The following SGCZ variants were observed in gnomAD, a reference collection of about 807,000 sequenced individuals.
SGCZ encodes the protein sarcoglycan zeta, also known as zeta-sarcoglycan.
A neutral mutation model predicts 41.3 loss-of-function variants in SGCZ; 40 were observed. That is an observed-to-expected ratio of 0.97 (90% confidence interval 0.75 to 1.26). SGCZ has a LOEUF of 1.26. Ranked by LOEUF, SGCZ falls within the 50% of genes most tolerant of loss-of-function variation. The probability of loss-of-function intolerance (pLI) is 0.00; values close to 1 mark genes in which losing one functional copy is unlikely to be tolerated. For missense variants in SGCZ, 552 were observed against 369.8 expected (o/e 1.49, Z -4.04); for synonymous variants, 206 against 137.5 (o/e 1.50, Z -3.49).
At chr8:14,915,730 TAA>T (rs1799415194) in intron 1 of SGCZ, among the ~76,000 whole-genome samples, 2 of 152,154 alleles carry the variant, frequency 1.3e-5, no homozygotes, top group African/African-American at 4.8e-5. Context: ...AGCCTGCCTA[TAA>T]AATCTGCTGT....
intron 1 of SGCZ, among the ~76,000 whole-genome samples, chr8:14,561,425 A>G (rs1203947474): frequency 1.3e-5 from 2 of 152,140 alleles, no homozygotes; most frequent in African/African-American, 2.4e-5. Context: ...ATATCATAGT[A>G]CCAAGATGTT....
chr8:15,051,247 A>T (rs1009976376), intron 1 of SGCZ, among the ~76,000 whole-genome samples: 2 of 152,198 alleles, frequency 1.3e-5, no homozygotes, highest in African/African-American at 4.8e-5. Flanking sequence ...TGGGGAAAGG[A>T]CATGGGGAGG....
At position 14,090,591 on chromosome 8, in the gene SGCZ, C is replaced by T. The variant is rs1203338213; in HGVS notation, c.791G>A (p.Gly264Asp). Residue 264 changes from glycine (G) to aspartate (D), a missense_variant, in exon 8 of 8, where the codon GGC (glycine) becomes GAC (aspartate). Transcript: ENST00000382080. ...ETIKLGNLPTGSFSSSSPSSS... is the reference protein window; with the variant it reads ...ETIKLGNLPTDSFSSSSPSSS... ...GCTGGGTGAAGAAGATGAGAAGGAGCCAGTTGGTAGATTTCCCAGCTTGAT... is the reference window on the plus strand; with the variant it reads ...GCTGGGTGAAGAAGATGAGAAGGAGTCAGTTGGTAGATTTCCCAGCTTGAT... The T allele has an allele frequency of 6.2e-7, 1 of 1,612,412 alleles. No individual in the cohort carries two copies. Among genetic ancestry groups the T allele is most frequent in the African/African-American group, 1.3e-5 (1 of 74,770 alleles).
At chr8:14,299,295 C>A in intron 3 of SGCZ, among the ~76,000 whole-genome samples, 1 of 151,814 alleles carries the variant, frequency 6.6e-6, no homozygotes, top group African/African-American at 2.4e-5. Context: ...AAAGCACTGT[C>A]TATAAAAGTT....
intron 1 of SGCZ, among the ~76,000 whole-genome samples, chr8:14,574,571 G>A (rs916105393): frequency 3.3e-5 from 5 of 152,158 alleles, no homozygotes; most frequent in Non-Finnish European, 7.3e-5. Context: ...GTTGCCATCA[G>A]CTCAAACCCT....
chr8:14,403,350 G>A (rs940301977), intron 2 of SGCZ, among the ~76,000 whole-genome samples: 1 of 150,792 alleles, frequency 6.6e-6, no homozygotes, highest in Admixed American at 6.6e-5. Flanking sequence ...GTGAGAGAGG[G>A]CATCCCTGTC....
intron 3 of SGCZ, among the ~76,000 whole-genome samples, chr8:14,300,277 G>A (rs1801144749): frequency 6.6e-6 from 1 of 150,464 alleles, no homozygotes; most frequent in Non-Finnish European, 1.5e-5. Context: ...AAGGAAGGAA[G>A]GCATAAAGGG....
intron 3 of SGCZ, among the ~76,000 whole-genome samples, chr8:14,249,138 T>C (rs1415288773): frequency 6.6e-6 from 1 of 152,170 alleles, no homozygotes; most frequent in Non-Finnish European, 1.5e-5. Flanking sequence ...AGGAAGATTT[T>C]CTTCCTCCCC....
Position 14,267,568 on chromosome 8 carries a change from G to C in SGCZ, c.337-29889C>G, listed in dbSNP as rs990208060. 4.6e-5 allele frequency among the ~76,000 whole-genome samples: 7 copies of C among 151,952 alleles called. No homozygotes were observed. The East Asian group carries it at 1.3e-3, about 29-fold the overall frequency. ...TCGCCTAGTCTCATGATGCTATTAT[G>C]CATAATATTCTTAATTCCTCAACAT... On this transcript the variant is annotated intron_variant, in intron 3 of 7. Coordinates refer to ENST00000382080, the MANE Select transcript of SGCZ (RefSeq NM_139167.4).
intron 1 of SGCZ, among the ~76,000 whole-genome samples, chr8:14,591,302 T>C (rs980178841): frequency 3.5e-4 from 54 of 152,132 alleles, no homozygotes; most frequent in African/African-American, 1.3e-3. Context: ...TTAAATATTA[T>C]GTTTTACTGA....
chr8:14,764,037 C>T (rs901997860), intron 1 of SGCZ, among the ~76,000 whole-genome samples: 11 of 152,088 alleles, frequency 7.2e-5, no homozygotes, highest in Non-Finnish European at 1.5e-4. Flanking sequence ...ATGGCTGATG[C>T]CATGTCTGGC....
chr8:14,470,418 T>A (rs1459769836), intron 2 of SGCZ, among the ~76,000 whole-genome samples: 1 of 152,160 alleles, frequency 6.6e-6, no homozygotes, highest in East Asian at 1.9e-4. Context: ...TAGATGCTAT[T>A]ATTAATTTCA....
At chr8:14,109,201 G>C (rs1802300800) in intron 5 of SGCZ, among the ~76,000 whole-genome samples, 1 of 152,140 alleles carries the variant, frequency 6.6e-6, no homozygotes, top group Non-Finnish European at 1.5e-5. Context: ...TGGAATTGTA[G>C]CTTTCCGAAG....
intron 2 of SGCZ, among the ~76,000 whole-genome samples, chr8:14,492,307 C>T (rs1801863964): frequency 1.3e-5 from 2 of 152,096 alleles, no homozygotes; most frequent in Non-Finnish European, 2.9e-5. Flanking sequence ...TTGGTATAAG[C>T]TGAAAGCAAT....
chr8:14,695,696 C>T (rs1298811674), intron 1 of SGCZ, among the ~76,000 whole-genome samples: 4 of 124,396 alleles, frequency 3.2e-5, no homozygotes, highest in Non-Finnish European at 7.5e-5. Flanking sequence ...CATGCACACG[C>T]ACACACACAC....
At chr8:14,136,118 C>T (rs537687632) in intron 5 of SGCZ, among the ~76,000 whole-genome samples, 2 of 152,260 alleles carry the variant, frequency 1.3e-5, no homozygotes, top group South Asian at 4.1e-4. Context: ...AGATAAAAAG[C>T]ACTACATACC....
At chr8:14,953,595 G>A (rs1306074156) in intron 1 of SGCZ, among the ~76,000 whole-genome samples, 2 of 152,118 alleles carry the variant, frequency 1.3e-5, no homozygotes, top group African/African-American at 2.4e-5. Flanking sequence ...AGAGGTTAAG[G>A]ACCCCAGCTC....
chr8:14,516,530 G>C (rs1284604856), intron 2 of SGCZ, among the ~76,000 whole-genome samples: 2 of 151,926 alleles, frequency 1.3e-5, no homozygotes, highest in Admixed American at 6.6e-5. Context: ...TTTTTTCTAG[G>C]TCTATCTACG....
rs141130548 is a variant in SGCZ at position 15,189,804 on chromosome 8, G to A, written c.39+47781C>T. Among the ~76,000 whole-genome samples the A allele has an allele frequency of 2.8e-3, 423 of 152,198 alleles. 3 individuals are homozygous for A. Among genetic ancestry groups the A allele is most frequent in the Non-Finnish European group, 3.9e-3 (265 of 68,012 alleles). ...GACCTCAGGCAATCTGACTGCCTTC[G>A]TTTCCCAAAGTTCTGGGATTACAGG... On this transcript the variant is annotated intron_variant, in intron 1 of 7. Transcript: ENST00000382080.
Sources: allele counts gnomAD v4.1 joint callset (sites outside exome capture counted in the v4.1 genomes callset), GRCh38; gene constraint gnomAD v4.1.1; transcripts MANE v1.5; gene names NCBI Gene and HGNC (gene_info 2026-07-23, HGNC 2026-07-21).